Variants in POU2F3 observed in about 807,000 individuals in gnomAD.
POU2F3 encodes POU domain, class 2, transcription factor 3.
POU2F3 carries 23 observed loss-of-function variants against 59.2 expected under a neutral mutation model. The ratio of observed to expected loss-of-function variants is 0.39; its 90% CI spans 0.28 to 0.55. POU2F3 has a LOEUF of 0.55. Among genes scored for constraint, POU2F3 ranks in the 20% least tolerant of loss-of-function variants. The probability of loss-of-function intolerance (pLI) is 0.66; values close to 1 mark genes in which losing one functional copy is unlikely to be tolerated. For missense variants in POU2F3, 473 were observed against 544.5 expected (o/e 0.87, Z 1.31); for synonymous variants, 190 against 214.6 (o/e 0.89, Z 1.00).
intron 3 of POU2F3, among the ~76,000 whole-genome samples, chr11:120,294,392 A>G (rs1941125839): frequency 6.6e-6 from 1 of 152,202 alleles, no homozygotes; most frequent in Non-Finnish European, 1.5e-5. Context: ...CACCTGCATG[A>G]GAAGAACTGC....
chr11:120,295,978 T>A (rs1055721841), intron 3 of POU2F3, among the ~76,000 whole-genome samples: 1 of 152,248 alleles, frequency 6.6e-6, no homozygotes, highest in Non-Finnish European at 1.5e-5. Context: ...TATTTAGATC[T>A]GCTTTGTCTA....
chr11:120,262,389 G>T (rs959796096), intron 2 of POU2F3, among the ~76,000 whole-genome samples: 1 of 152,080 alleles, frequency 6.6e-6, no homozygotes, highest in Non-Finnish European at 1.5e-5. Context: ...CTAATACAAT[G>T]AGCCCCCAAG....
chr11:120,279,065 C>T (rs936709031), intron 3 of POU2F3, among the ~76,000 whole-genome samples: 1 of 152,124 alleles, frequency 6.6e-6, no homozygotes, highest in Non-Finnish European at 1.5e-5. Context: ...GTCATCATTC[C>T]TATTCCATAG....
chr11:120,244,599 T>G (rs1272437649), intron 1 of POU2F3, among the ~76,000 whole-genome samples: 2 of 152,154 alleles, frequency 1.3e-5, no homozygotes, highest in Non-Finnish European at 2.9e-5. Flanking sequence ...TGAAGCAAAT[T>G]GAAACCACCA....
rs145192326 is a variant in POU2F3, at chr11:120,271,104, T to G, written c.132+1860T>G. On this transcript the variant is annotated intron_variant, in intron 3 of 12. Transcript: ENST00000543440. ...AGCCAACACCTTTTAGGCAGGCAAA[T>G]TCTGCAGTTTTATTCATCAGGAAGG... Among the ~76,000 whole-genome samples, 35 of 152,294 alleles carry G rather than the reference T, an allele frequency of 2.3e-4. No individual in the cohort carries two copies. In the East Asian group the frequency reaches 6.8e-3, roughly 29 times the overall value.
Position 120,318,476 on chromosome 11 carries a change from G to A in POU2F3, c.*84G>A, listed in dbSNP as rs1941844349. The A allele has an allele frequency of 1.5e-6, 2 of 1,366,344 alleles. No individual in the cohort carries two copies. Among genetic ancestry groups the A allele is most frequent in the Non-Finnish European group, 2.1e-6 (2 of 961,746 alleles). 84.6% of individuals were successfully genotyped at this position (1,366,344 alleles called of 1,614,324 possible). A position where few individuals can be genotyped will look rare whatever the true frequency, so the allele number is the denominator to read the frequency against. On this transcript the variant is annotated 3_prime_UTR_variant, in exon 13 of 13. Coordinates refer to ENST00000543440, the MANE Select transcript of POU2F3 (RefSeq NM_014352.4). ...CATGCCTTCTATATACAGACAGATT[G>A]CCTTCAGAAGAGTGGAAGAAAATCT...
At position 120,309,474 on chromosome 11, in the gene POU2F3, C is replaced by T. The variant is rs377205553; in HGVS notation, c.956C>T (p.Ser319Phe). Residue 319 changes from serine (S) to phenylalanine (F), a missense_variant, in exon 10 of 13, where the codon TCC (serine) becomes TTC (phenylalanine). By Grantham distance (155) the Ser-to-Phe change is radical. Transcript: ENST00000543440. ...EEISMIAEQLSMEKEVVRVWF... is the reference protein window; with the variant it reads ...EEISMIAEQLFMEKEVVRVWF... The stretch of plus-strand genomic sequence containing the variant: ...ATCTCCATGATTGCAGAGCAGTTGT[C>T]CATGGAGAAGGAGGTGGTGAGGGTC... The T allele has an allele frequency of 2.4e-5, 39 of 1,613,956 alleles. No individual in the cohort carries two copies. In the East Asian group the frequency reaches 8.0e-4, roughly 33 times the overall value.
intron 1 of POU2F3, among the ~76,000 whole-genome samples, chr11:120,241,564 A>G (rs1351079772): frequency 6.6e-6 from 1 of 152,174 alleles, no homozygotes; most frequent in Non-Finnish European, 1.5e-5. Context: ...AAGCCATCCA[A>G]CTGGGTGTCA....
intron 3 of POU2F3, among the ~76,000 whole-genome samples, chr11:120,283,571 C>T (rs770338311): frequency 3.9e-5 from 6 of 152,080 alleles, no homozygotes; most frequent in African/African-American, 7.2e-5. Flanking sequence ...TGGAAGCTCC[C>T]GAAAGCAGAG....
intron 5 of POU2F3, chr11:120,300,859 C>T (rs1941329947): frequency 9.2e-6 from 3 of 325,686 alleles, no homozygotes. Flanking sequence ...CAAAATGCAA[C>T]TCTGCCTTCC....
At chr11:120,316,312 A>G (rs1941788000) in intron 11 of POU2F3, among the ~76,000 whole-genome samples, 1 of 152,248 alleles carries the variant, frequency 6.6e-6, no homozygotes, top group Non-Finnish European at 1.5e-5. Flanking sequence ...GAGGATGAAA[A>G]TAAGTTTCAG....
intron 1 of POU2F3, among the ~76,000 whole-genome samples, chr11:120,242,980 G>T (rs2135119208): frequency 6.6e-6 from 1 of 152,264 alleles, no homozygotes; most frequent in South Asian, 2.1e-4. Context: ...TTTGCCCCAG[G>T]TGTCTCTTTC....
intron 3 of POU2F3, among the ~76,000 whole-genome samples, chr11:120,291,021 G>A (rs529126448): frequency 3.9e-4 from 59 of 152,292 alleles, no homozygotes; most frequent in Non-Finnish European, 7.2e-4. Context: ...TAGTTACTTT[G>A]TATATGTGAG....
chr11:120,256,063 T>C (rs1939332016), intron 2 of POU2F3: 1 of 152,222 alleles, frequency 6.6e-6, no homozygotes, highest in Non-Finnish European at 1.5e-5. Context: ...ACGAAGGGTC[T>C]GAATCTGAGG....
chr11:120,274,048 G>GGAAAGAAAGAAAGAGA (rs1565368592), intron 3 of POU2F3, among the ~76,000 whole-genome samples: 2 of 142,534 alleles, frequency 1.4e-5, no homozygotes, highest in Non-Finnish European at 3.1e-5. Context: ...GAGAGAGAAA[G>GGAAAGAAAGAAAGAGA]GAAAGAAAGA....
At chr11:120,275,925 T>C (rs1447905754) in intron 3 of POU2F3, among the ~76,000 whole-genome samples, 1 of 152,246 alleles carries the variant, frequency 6.6e-6, no homozygotes, top group Non-Finnish European at 1.5e-5. Flanking sequence ...CACGGTTCTC[T>C]AGCTGCTCCG....
At chr11:120,272,467 G>A (rs1940118794) in intron 3 of POU2F3, among the ~76,000 whole-genome samples, 2 of 152,204 alleles carry the variant, frequency 1.3e-5, no homozygotes, top group African/African-American at 4.8e-5. Context: ...GGAGTAGGGA[G>A]GGGAAGAAAG....
In POU2F3 at chr11:120,285,589, A is replaced by G. The variant is rs1040325574; in HGVS notation, c.133-12676A>G. On this transcript the variant is annotated intron_variant, in intron 3 of 12. Coordinates refer to ENST00000543440, the MANE Select transcript of POU2F3 (RefSeq NM_014352.4). The surrounding 1 kb of genome is among the most constrained non-coding windows in gnomAD (Gnocchi z 4.3). ...TCCGGTTATAAAAAAATTTCATAAT[A>G]AAGATTAAAAAGGAAGATTATTTTT... Among the ~76,000 whole-genome samples the G allele has an allele frequency of 5.3e-5, 8 of 152,228 alleles. No individual in the cohort carries two copies. Among genetic ancestry groups the G allele is most frequent in the Non-Finnish European group, 8.8e-5 (6 of 68,032 alleles).
intron 3 of POU2F3, among the ~76,000 whole-genome samples, chr11:120,284,364 T>C (rs1299059996): frequency 2.6e-5 from 4 of 152,266 alleles, no homozygotes; most frequent in South Asian, 2.1e-4. Flanking sequence ...TGCCCCCTTT[T>C]CCCAGGAAGG....
Sources: gnomAD v4.1 joint callset for allele counts (sites outside exome capture counted in the v4.1 genomes callset) on GRCh38, gnomAD v4.1.1 for gene constraint, Gnocchi (gnomAD v3.1) non-coding constraint, MANE v1.5 for transcripts, NCBI Gene and HGNC (gene_info 2026-07-23, HGNC 2026-07-21) for gene names.